DOCK5: variants seen among roughly 807,000 people sequenced by gnomAD.
DOCK5 encodes dedicator of cytokinesis protein 5.
In DOCK5, 142 loss-of-function variants were observed where a neutral mutation model predicts 251.8. That is an observed-to-expected ratio of 0.56 (90% CI 0.49 to 0.65). The LOEUF (loss-of-function observed/expected upper bound fraction) is 0.65, where lower values mean the gene tolerates loss of function less well. Ranked by LOEUF, DOCK5 falls within the 30% of genes least tolerant of loss-of-function variation. The probability of loss-of-function intolerance (pLI) is 0.00; values close to 1 mark genes in which losing one functional copy is unlikely to be tolerated. For synonymous variants in DOCK5, 842 were observed against 835.5 expected (o/e 1.01, Z -0.13); for missense variants, 2,111 against 2,312.3 (o/e 0.91, Z 1.79).
chr8:25,367,924 C>T (rs1306236812), intron 31 of DOCK5, among the ~76,000 whole-genome samples: 3 of 152,134 alleles, frequency 2.0e-5, no homozygotes, highest in African/African-American at 2.4e-5. Context: ...GTCTGTGCCT[C>T]ACTCTTCTCC....
intron 25 of DOCK5, among the ~76,000 whole-genome samples, chr8:25,344,175 G>C (rs73216281): frequency 3.9e-5 from 6 of 152,034 alleles, no homozygotes; most frequent in Admixed American, 2.0e-4. Context: ...GAGAGGAGTG[G>C]GGCATGGAGG....
intron 11 of DOCK5, 34 bp from the exon 12 acceptor site, chr8:25,308,749 C>T: frequency 1.2e-6 from 2 of 1,609,994 alleles, no homozygotes; most frequent in Non-Finnish European, 1.7e-6. Context: ...CCTTTCTCCC[C>T]CTCCCACCTT....
chr8:25,400,133 A>G (rs1801412569), intron 46 of DOCK5, 139 bp downstream of exon 46: 1 of 671,390 alleles, frequency 1.5e-6, no homozygotes, highest in Non-Finnish European at 2.5e-6. Flanking sequence ...CCACCTATCT[A>G]TGTATTTGTT....
intron 1 of DOCK5, among the ~76,000 whole-genome samples, chr8:25,231,729 A>G (rs1802673770): frequency 6.6e-6 from 1 of 152,202 alleles, no homozygotes; most frequent in South Asian, 2.1e-4. Flanking sequence ...AATGTGAAAT[A>G]GAGCGATTCA....
intron 1 of DOCK5, among the ~76,000 whole-genome samples, chr8:25,228,454 AG>A (rs1802585829): frequency 6.6e-6 from 1 of 152,212 alleles, no homozygotes; most frequent in Non-Finnish European, 1.5e-5. Context: ...CAGCAGTGGC[AG>A]AGGGGCTGTT....
intron 37 of DOCK5, 144 bp from the exon 38 acceptor site, chr8:25,377,161 A>G: frequency 1.8e-6 from 2 of 1,105,028 alleles, no homozygotes; most frequent in African/African-American, 1.6e-5. Context: ...TGGCATGTGT[A>G]TATGTGTGTA....
chr8:25,402,794 C>T (rs1801460969), intron 47 of DOCK5, among the ~76,000 whole-genome samples: 1 of 152,114 alleles, frequency 6.6e-6, no homozygotes, highest in African/African-American at 2.4e-5. Flanking sequence ...TTTCCTCAAA[C>T]CAAAGCTCTG....
At chr8:25,332,408 T>TAG in intron 19 of DOCK5, 60 bp downstream of exon 19, 1 of 1,354,716 alleles carries the variant, frequency 7.4e-7, no homozygotes, top group Non-Finnish European at 1.0e-6. Flanking sequence ...CCTATCTAAT[T>TAG]ATACCTAATT....
At chr8:25,370,999 C>T (rs1027769330) in intron 34 of DOCK5, among the ~76,000 whole-genome samples, 1 of 152,090 alleles carries the variant, frequency 6.6e-6, no homozygotes. Flanking sequence ...GTTGTAACTA[C>T]TCTAGACCAT....
rs761634784 is a variant in DOCK5 at position 25,395,725 on chromosome 8, C to T, written c.4704+6C>T. 10 of 1,612,486 alleles carry T rather than the reference C, an allele frequency of 6.2e-6. No homozygotes were observed. The highest frequency in any genetic ancestry group is 5.1e-6 in the Non-Finnish European group (6 of 1,179,226). ...GCTTCTCCAACTATGAAAAGGTTCG[C>T]TTGGTCCCAGAATCCCCTAGGGATT... On this transcript the variant is annotated splice_donor_region_variant and intron_variant, in intron 45 of 51. Transcript: ENST00000276440.
At chr8:25,219,485 A>G (rs966647396) in intron 1 of DOCK5, among the ~76,000 whole-genome samples, 7 of 150,738 alleles carry the variant, frequency 4.6e-5, no homozygotes, top group Admixed American at 4.0e-4. Context: ...CCATTGTTGG[A>G]TTTTGTCTTT....
chr8:25,400,864 C>G (rs1286165685), intron 46 of DOCK5, 65 bp from the exon 47 acceptor site: 14 of 1,591,954 alleles, frequency 8.8e-6, no homozygotes, highest in Non-Finnish European at 1.2e-5. Flanking sequence ...CTCCCTTCCC[C>G]AACCAAATCA....
At chr8:25,254,795 A>AC (rs1563326276) in intron 2 of DOCK5, among the ~76,000 whole-genome samples, 3 of 147,022 alleles carry the variant, frequency 2.0e-5, no homozygotes, top group African/African-American at 7.5e-5. Context: ...AAACAAAACA[A>AC]AAAAAAAAAA....
chr8:25,226,543 A>G lies in DOCK5; in HGVS notation c.44-17131A>G, dbSNP rs114734123. Among the ~76,000 whole-genome samples, 1,439 of 151,268 alleles carry G rather than the reference A, an allele frequency of 9.5e-3. 19 individuals are homozygous for G. The highest frequency in any genetic ancestry group is 0.033 in the African/African-American group (1,369 of 41,146). On this transcript the variant is annotated intron_variant, in intron 1 of 51. Coordinates refer to ENST00000276440, the MANE Select transcript of DOCK5 (RefSeq NM_024940.8). ...CCTGGGATTACAGGCGCAAGCCACC[A>G]TGCCTGACGTTACCCATGTTTTATT...
At chr8:25,337,331 TG>T (rs1202382205) in intron 22 of DOCK5, among the ~76,000 whole-genome samples, 8 of 152,296 alleles carry the variant, frequency 5.3e-5, no homozygotes, top group African/African-American at 1.7e-4. Flanking sequence ...AAATTGGTCC[TG>T]TATTTCAGTT....
chr8:25,343,694 T>G (rs1160987377), intron 25 of DOCK5, among the ~76,000 whole-genome samples: 1 of 152,228 alleles, frequency 6.6e-6, no homozygotes, highest in Non-Finnish European at 1.5e-5. Context: ...GCTGGTTACA[T>G]GCATCCCTTC....
Position 25,414,275 on chromosome 8 carries a change from T to C in DOCK5, c.*2977T>C, listed in dbSNP as rs1801675709. The stretch of plus-strand genomic sequence containing the variant: ...GTGTGTTCAATGGAAACAGCCCCAG[T>C]ATACAAAGACAGTTCACTCTGGTGT... On this transcript the variant is annotated 3_prime_UTR_variant, in exon 52 of 52. Coordinates refer to ENST00000276440, the MANE Select transcript of DOCK5 (RefSeq NM_024940.8). 6.6e-6 allele frequency: 1 copy of C among 152,154 alleles called. No homozygotes were observed. The highest frequency in any genetic ancestry group is 2.4e-5 in the African/African-American group (1 of 41,428). The allele number at this position is 152,154 out of a possible 1,614,324, so 9.4% of individuals were successfully genotyped here.
chr8:25,330,630 G>C (rs1282228526), intron 18 of DOCK5, among the ~76,000 whole-genome samples: 1 of 152,168 alleles, frequency 6.6e-6, no homozygotes, highest in Admixed American at 6.5e-5. Context: ...GGCATTGGAA[G>C]TTTATCCTGT....
At chr8:25,409,020 C>T in intron 50 of DOCK5, 80 bp downstream of exon 50, 3 of 1,579,228 alleles carry the variant, frequency 1.9e-6, no homozygotes, top group Non-Finnish European at 1.7e-6. Context: ...TGTAACTAAA[C>T]CAGCCAGAAT....
Sources: gnomAD v4.1 joint callset for allele counts (sites outside exome capture counted in the v4.1 genomes callset) on GRCh38, gnomAD v4.1.1 for gene constraint, MANE v1.5 for transcripts, NCBI Gene and HGNC (gene_info 2026-07-23, HGNC 2026-07-21) for gene names.